The following MAP2K5 variants were observed in gnomAD, a reference collection of about 807,000 sequenced individuals.
MAP2K5 encodes the protein dual specificity mitogen-activated protein kinase kinase 5.
MAP2K5 carries 49 observed loss-of-function variants against 83.1 expected under a neutral mutation model. The observed-to-expected ratio is 0.59, with a 90% CI of 0.47 to 0.75. The LOEUF (loss-of-function observed/expected upper bound fraction) is 0.75. Ranked by LOEUF, MAP2K5 falls within the 30% of genes least tolerant of loss-of-function variation. The pLI is 0.00. For synonymous variants in MAP2K5, 202 were observed against 191.8 expected (o/e 1.05, Z -0.44); for missense variants, 457 against 557.5 (o/e 0.82, Z 1.82).
At chr15:67,615,612 TA>T (rs1335544232) in intron 8 of MAP2K5, among the ~76,000 whole-genome samples, 2 of 152,126 alleles carry the variant, frequency 1.3e-5, no homozygotes, top group Admixed American at 1.3e-4. Context: ...CTAAACGTGT[TA>T]ATAAAATCTA....
intron 19 of MAP2K5, among the ~76,000 whole-genome samples, chr15:67,754,441 G>A (rs2089786653): frequency 6.6e-6 from 1 of 152,126 alleles, no homozygotes; most frequent in African/African-American, 2.4e-5. Context: ...TTTACTTCAA[G>A]GGACATTTAT....
At chr15:67,806,597 C>T (rs2141354284) in intron 21 of MAP2K5, 49 bp from the exon 22 acceptor site, 3 of 1,480,982 alleles carry the variant, frequency 2.0e-6, no homozygotes, top group Non-Finnish European at 1.8e-6. Context: ...GTACAATGAG[C>T]GCGGGAGTCC....
At chr15:67,593,333 A>G (rs1213292766) in intron 7 of MAP2K5, among the ~76,000 whole-genome samples, 1 of 152,166 alleles carries the variant, frequency 6.6e-6, no homozygotes, top group Non-Finnish European at 1.5e-5. Context: ...TTACTTTCTC[A>G]CCTTAGCTCC....
rs35960901 is a variant in MAP2K5, at chr15:67,555,790, C to CT, written c.184+5719dup. 0.55 allele frequency among the ~76,000 whole-genome samples: 81,661 copies of CT among 148,342 alleles called. 22,832 individuals are homozygous for CT. The highest frequency in any genetic ancestry group is 0.6 in the Non-Finnish European group (40,376 of 66,988). ...TATTTGGCTATTTGTATTTAATTTC[C>CT]TTTTTTTTTTTGAGACGCAGTCTCA... On this transcript the variant is annotated intron_variant, in intron 2 of 21. Coordinates refer to ENST00000178640, the MANE Select transcript of MAP2K5 (RefSeq NM_145160.3). The surrounding 1 kb of genome is among the most constrained non-coding windows in gnomAD (Gnocchi z 5.2).
chr15:67,762,658 A>G (rs868037), intron 19 of MAP2K5, among the ~76,000 whole-genome samples: 93,653 of 151,408 alleles, frequency 0.62, 29,634 homozygotes, highest in Non-Finnish European at 0.68. Context: ...CCCAATACTG[A>G]AGAACTTCCA....
intron 13 of MAP2K5, among the ~76,000 whole-genome samples, chr15:67,685,084 A>T (rs1180572371): frequency 6.6e-6 from 1 of 152,214 alleles, no homozygotes; most frequent in Non-Finnish European, 1.5e-5. Flanking sequence ...TGAAGCCTGT[A>T]AGTCCACAGA....
chr15:67,606,610 T>G (rs2085783246), intron 8 of MAP2K5, among the ~76,000 whole-genome samples: 1 of 152,184 alleles, frequency 6.6e-6, no homozygotes. Context: ...GGGATGGTCC[T>G]TGGAGGTGGT....
intron 16 of MAP2K5, among the ~76,000 whole-genome samples, chr15:67,712,873 A>G (rs982875759): frequency 6.6e-6 from 1 of 152,092 alleles, no homozygotes; most frequent in African/African-American, 2.4e-5. Context: ...AGCTGAGATC[A>G]TGCCATTGCA....
At chr15:67,692,061 A>G (rs1370294860) in intron 13 of MAP2K5, among the ~76,000 whole-genome samples, 2 of 152,164 alleles carry the variant, frequency 1.3e-5, no homozygotes, top group African/African-American at 2.4e-5. Context: ...TGGCATTACT[A>G]TTACTTAGAT....
rs1439074417 is a variant in MAP2K5, at chr15:67,748,846, A to G, written c.1134+245A>G. Among the ~76,000 whole-genome samples the G allele has an allele frequency of 2.0e-5, 3 of 152,208 alleles. No homozygotes were observed. The highest frequency in any genetic ancestry group is 4.4e-5 in the Non-Finnish European group (3 of 68,032). ...CTCAGGGGCATCAGATGCCCTAAAG[A>G]CAAAACACAATAATATTAATTGACC... is the stretch of plus-strand genomic sequence containing the variant. On this transcript the variant is annotated intron_variant, in intron 19 of 21. Transcript: ENST00000178640. The surrounding 1 kb of genome is among the most constrained non-coding windows in gnomAD (Gnocchi z 4.0).
chr15:67,701,493 A>C (rs1328327344), intron 15 of MAP2K5, among the ~76,000 whole-genome samples: 3 of 152,204 alleles, frequency 2.0e-5, no homozygotes, highest in Admixed American at 2.0e-4. Flanking sequence ...CATTTTAATG[A>C]AGTACAGAAG....
intron 8 of MAP2K5, chr15:67,628,039 C>A: frequency 1.4e-6 from 1 of 730,416 alleles, no homozygotes; most frequent in East Asian, 2.9e-5. Context: ...ACATATGCCC[C>A]TGTGGAGGCA....
At chr15:67,619,344 G>A (rs1055377836) in intron 8 of MAP2K5, among the ~76,000 whole-genome samples, 2 of 151,772 alleles carry the variant, frequency 1.3e-5, no homozygotes, top group African/African-American at 2.4e-5. Flanking sequence ...TTTGATTATT[G>A]TCAGTCAGCC....
intron 13 of MAP2K5, among the ~76,000 whole-genome samples, chr15:67,678,175 T>C (rs2087725120): frequency 6.6e-6 from 1 of 152,184 alleles, no homozygotes; most frequent in Non-Finnish European, 1.5e-5. Flanking sequence ...AATAACTAGA[T>C]AGATATATTG....
intron 9 of MAP2K5, among the ~76,000 whole-genome samples, chr15:67,635,667 A>G (rs565442246): frequency 6.6e-6 from 1 of 151,858 alleles, no homozygotes; most frequent in South Asian, 2.1e-4. Flanking sequence ...GTATTCTTTC[A>G]GCTTTTGTAT....
In MAP2K5 at chr15:67,585,950, T is replaced by A. The variant is rs775372443; in HGVS notation, c.363+20T>A. 2 of 1,609,000 alleles carry A rather than the reference T, an allele frequency of 1.2e-6. No homozygotes were observed. Among genetic ancestry groups the A allele is most frequent in the African/African-American group, 2.7e-5 (2 of 74,822 alleles). ...CTGAAGGTACGAATTTCAATAATTG[T>A]TTCAGTAAAGTTAGATGGATTTGTA... On this transcript the variant is annotated intron_variant, in intron 5 of 21. Transcript: ENST00000178640.
intron 8 of MAP2K5, among the ~76,000 whole-genome samples, chr15:67,615,139 A>G (rs1453195292): frequency 1.3e-5 from 2 of 152,100 alleles, no homozygotes; most frequent in Non-Finnish European, 2.9e-5. Context: ...CTGGGATTAC[A>G]GGCACGTGCC....
chr15:67,748,463 A>C lies in MAP2K5; in HGVS notation c.1102-106A>C. On this transcript the variant is annotated intron_variant, in intron 18 of 21. Coordinates refer to ENST00000178640, the MANE Select transcript of MAP2K5 (RefSeq NM_145160.3). This position sits in a 1 kb window ranked among gnomAD's most constrained non-coding sequence, Gnocchi z 4.0. ...TTTTTATAAGAGTTTGCTGTTGTTG[A>C]TTAATCTTGCTATATTTTATTGCAT... 2 of 1,003,458 alleles carry C rather than the reference A, an allele frequency of 2.0e-6. No homozygotes were observed. Among genetic ancestry groups the C allele is most frequent in the Non-Finnish European group, 3.0e-6 (2 of 656,858 alleles). 62.2% of individuals were successfully genotyped at this position (1,003,458 alleles called of 1,614,324 possible). A position where few individuals can be genotyped will look rare whatever the true frequency, so the allele number is the denominator to read the frequency against.
intron 19 of MAP2K5, among the ~76,000 whole-genome samples, chr15:67,754,837 G>C (rs1264598900): frequency 6.6e-6 from 1 of 152,146 alleles, no homozygotes; most frequent in Non-Finnish European, 1.5e-5. Context: ...AAAAAGCGTA[G>C]GTGTTACCCT....
Sources: allele counts gnomAD v4.1 joint callset (sites outside exome capture counted in the v4.1 genomes callset), GRCh38; gene constraint gnomAD v4.1.1; non-coding constraint Gnocchi (gnomAD v3.1); transcripts MANE v1.5; gene names NCBI Gene and HGNC (gene_info 2026-07-23, HGNC 2026-07-21).